Variants in DRICH1 observed in about 807,000 individuals in gnomAD.
DRICH1 encodes aspartate-rich protein 1.
A neutral mutation model predicts 39.5 loss-of-function variants in DRICH1; 38 were observed. The observed-to-expected ratio is 0.96, with a 90% CI of 0.74 to 1.26. DRICH1 has a LOEUF of 1.26. DRICH1 is among the 50% of genes most tolerant of loss of function. The pLI is 0.00. For synonymous variants in DRICH1, 84 were observed against 99.5 expected, an observed-to-expected ratio of 0.84 and a Z score of 0.93; for missense variants, 279 against 270.4, an observed-to-expected ratio of 1.03 and a Z score of -0.22.
At chr22:23,612,918 A>G (rs537206453) in intron 11 of DRICH1, among the ~76,000 whole-genome samples, 2 of 152,158 alleles carry the variant, frequency 1.3e-5, no homozygotes, top group East Asian at 3.9e-4. Flanking sequence ...AATGCCTGTG[A>G]GAGAGTTGTG....
the DRICH1 span, among the ~76,000 whole-genome samples, chr22:23,591,290 C>A: frequency 6.6e-6 from 1 of 152,160 alleles, no homozygotes; most frequent in East Asian, 1.9e-4. Context: ...TCTCACAGCA[C>A]CCCCTGGTGG....
At chr22:23,598,814 C>A in the DRICH1 span, among the ~76,000 whole-genome samples, 2 of 152,234 alleles carry the variant, frequency 1.3e-5, no homozygotes, top group African/African-American at 4.8e-5. Flanking sequence ...GCCCTCCATA[C>A]AAGTGTGTTC....
At chr22:23,597,971 T>C in the DRICH1 span, among the ~76,000 whole-genome samples, 4,992 of 149,132 alleles carry the variant, frequency 0.033, 39 homozygotes, top group African/African-American at 0.12. Context: ...CTTGCCTTAG[T>C]TTTTTCCCTT....
chr22:23,592,350 A>C, the DRICH1 span, among the ~76,000 whole-genome samples: 1 of 152,100 alleles, frequency 6.6e-6, no homozygotes, highest in Non-Finnish European at 1.5e-5. Flanking sequence ...AGGCAGAGTA[A>C]TCAGAGAGGA....
chr22:23,596,227 G>A, the DRICH1 span, among the ~76,000 whole-genome samples: 469 of 151,944 alleles, frequency 3.1e-3, 4 homozygotes, highest in African/African-American at 0.01. Flanking sequence ...AGTTCTCCCC[G>A]GGTCCAACCT....
chr22:23,590,730 CTG>C, the DRICH1 span, among the ~76,000 whole-genome samples: 2 of 152,154 alleles, frequency 1.3e-5, no homozygotes, highest in Non-Finnish European at 2.9e-5. Flanking sequence ...TCCCAAGTAA[CTG>C]GGATTACAGG....
At chr22:23,621,119 C>T (rs1927700402) in intron 4 of DRICH1, among the ~76,000 whole-genome samples, 1 of 152,096 alleles carries the variant, frequency 6.6e-6, no homozygotes, top group Admixed American at 6.5e-5. Flanking sequence ...ATTTTTAACA[C>T]AATCTGCCTT....
chr22:23,612,295 G>A (rs1182421285), intron 11 of DRICH1, among the ~76,000 whole-genome samples: 1 of 151,624 alleles, frequency 6.6e-6, no homozygotes, highest in African/African-American at 2.4e-5. Flanking sequence ...GTGAAACCCT[G>A]TCTCCACCAA....
At chr22:23,617,702 C>T (rs1927447507) in intron 6 of DRICH1, 45 bp from the exon 7 acceptor site, 4 of 1,585,654 alleles carry the variant, frequency 2.5e-6, no homozygotes, top group Non-Finnish European at 3.5e-6. Flanking sequence ...TTGTTTGTGA[C>T]TGTGAGTCAC....
chr22:23,596,025 G>GTC, the DRICH1 span, among the ~76,000 whole-genome samples: 1 of 152,168 alleles, frequency 6.6e-6, no homozygotes, highest in African/African-American at 2.4e-5. Context: ...TCTTCTCACC[G>GTC]GAGCTCTCAG....
At chr22:23,598,471 G>A in the DRICH1 span, among the ~76,000 whole-genome samples, 1 of 152,126 alleles carries the variant, frequency 6.6e-6, no homozygotes, top group African/African-American at 2.4e-5. Flanking sequence ...CCACTGAAGG[G>A]AGTCAAACTG....
chr22:23,632,441 A>G (rs569585645), upstream of DRICH1: 35 of 236,348 alleles, frequency 1.5e-4, no homozygotes, highest in South Asian at 7.7e-4. Context: ...GCCCCCCCCA[A>G]TGCCTCATAA....
chr22:23,632,216 G>A lies in DRICH1; in HGVS notation c.-193C>T, dbSNP rs1921005736. The A allele has an allele frequency of 2.3e-6, 2 of 885,340 alleles. No homozygotes were observed. Among genetic ancestry groups the A allele is most frequent in the African/African-American group, 3.4e-5 (2 of 59,080 alleles). 54.8% of individuals were successfully genotyped at this position (885,340 alleles called of 1,614,324 possible). A position where few individuals can be genotyped will look rare whatever the true frequency, so the allele number is the denominator to read the frequency against. On this transcript the variant is annotated 5_prime_UTR_variant, in exon 1 of 12. Transcript: ENST00000317749. Reference sequence around the variant, plus strand: ...TGGTCTATGAGGTCAGGGACCTGCTGTCTTCTTTGAAAAATAAACGAACAT... The same window carrying A: ...TGGTCTATGAGGTCAGGGACCTGCTATCTTCTTTGAAAAATAAACGAACAT...
rs200973764 is a variant in DRICH1 at position 23,613,284 on chromosome 22, C to T, written c.685+5G>A. Reference sequence around the variant, plus strand: ...TTGGGTTTTTGCTGGCACGTAGTTCCCTACCTGGATGAATCTCTTCATCAC... The same window carrying T: ...TTGGGTTTTTGCTGGCACGTAGTTCTCTACCTGGATGAATCTCTTCATCAC... On this transcript the variant is annotated splice_donor_5th_base_variant and intron_variant, in intron 11 of 11. Transcript: ENST00000317749. 504 of 1,611,938 alleles carry T rather than the reference C, an allele frequency of 3.1e-4. 3 individuals are homozygous for T. In the African/African-American group the frequency reaches 5.9e-3, roughly 19 times the overall value.
At chr22:23,604,762 T>C (rs57052506), downstream of DRICH1, among the ~76,000 whole-genome samples, 18,791 of 152,218 alleles carry the variant, frequency 0.12, 1,277 homozygotes, top group Middle Eastern at 0.17. Flanking sequence ...GGTGCACATG[T>C]CAGCTCCATC....
In DRICH1 at chr22:23,632,016, T is replaced by C; in HGVS notation, c.8A>G (p.Asn3Ser). Reference sequence around the variant, plus strand: ...GGAGTTGATACAACAGGTCAGTATATTCCCCATGGGGCCTCTCCATGCCTC... The same window carrying C: ...GGAGTTGATACAACAGGTCAGTATACTCCCCATGGGGCCTCTCCATGCCTC... MG[N>S]ILTCCINSHC... The change falls in exon 1 of 12, where the codon AAT (asparagine) becomes AGT (serine). Residue 3 changes from asparagine (N) to serine (S), a missense_variant. Asn to Ser is a conservative substitution (Grantham distance 46). Coordinates refer to ENST00000317749, the MANE Select transcript of DRICH1 (RefSeq NM_016449.4). 6.2e-7 allele frequency: 1 copy of C among 1,613,054 alleles called. No homozygotes were observed. Among genetic ancestry groups the C allele is most frequent in the South Asian group, 1.1e-5 (1 of 91,026 alleles).
chr22:23,600,683 T>G, the DRICH1 span, among the ~76,000 whole-genome samples: 3 of 150,878 alleles, frequency 2.0e-5, no homozygotes, highest in Non-Finnish European at 4.4e-5. Context: ...TTTCTTTTTT[T>G]TTTTTTTGAG....
the DRICH1 span, among the ~76,000 whole-genome samples, chr22:23,587,485 G>A: frequency 6.6e-6 from 1 of 152,176 alleles, no homozygotes; most frequent in East Asian, 1.9e-4. Context: ...CCAGGCAGAG[G>A]GACCCATCCC....
chr22:23,617,330 T>A (rs1401194966), intron 7 of DRICH1, among the ~76,000 whole-genome samples: 10 of 152,192 alleles, frequency 6.6e-5, no homozygotes, highest in African/African-American at 2.4e-5. Context: ...AAATAATGTA[T>A]ACAGTGGTCC....
Sources: allele counts gnomAD v4.1 joint callset (sites outside exome capture counted in the v4.1 genomes callset), GRCh38; gene constraint gnomAD v4.1.1; transcripts MANE v1.5; gene names NCBI Gene and HGNC (gene_info 2026-07-23, HGNC 2026-07-21).